The following SAE1 variants were observed in gnomAD, a reference collection of about 807,000 sequenced individuals.
SAE1 encodes the protein SUMO-activating enzyme subunit 1.
In SAE1, 11 loss-of-function variants were observed where a neutral mutation model predicts 40.6. The observed-to-expected ratio is 0.27, with a 90% CI of 0.17 to 0.45. SAE1 has a LOEUF of 0.45. Ranked by LOEUF, SAE1 falls within the 20% of genes least tolerant of loss-of-function variation. The probability of loss-of-function intolerance (pLI) is 1.00; values close to 1 mark genes in which losing one functional copy is unlikely to be tolerated. For synonymous variants in SAE1, 155 were observed against 154.3 expected (o/e 1.00, Z -0.03); for missense variants, 373 against 427.3 (o/e 0.87, Z 1.12).
intron 6 of SAE1, among the ~76,000 whole-genome samples, chr19:47,194,214 AGTGCCAGGCTG>A (rs1166029456): frequency 6.6e-6 from 1 of 152,186 alleles, no homozygotes; most frequent in Non-Finnish European, 1.5e-5. Context: ...GCACAAAGTA[AGTGCCAGGCTG>A]GTGGAGTGAA....
intron 3 of SAE1, among the ~76,000 whole-genome samples, chr19:47,150,613 T>C (rs965711576): frequency 2.0e-5 from 3 of 152,242 alleles, no homozygotes; most frequent in African/African-American, 7.2e-5. Context: ...GTCTGCTGGC[T>C]TCTTCTCTGG....
intron 5 of SAE1, among the ~76,000 whole-genome samples, chr19:47,163,000 A>AT (rs1219151049): frequency 2.0e-5 from 3 of 151,764 alleles, no homozygotes; most frequent in Non-Finnish European, 2.9e-5. Flanking sequence ...TCAAAAAAAA[A>AT]TTTTTTTTTA....
At chr19:47,190,418 A>G (rs954574261) in intron 6 of SAE1, among the ~76,000 whole-genome samples, 3 of 152,328 alleles carry the variant, frequency 2.0e-5, no homozygotes, top group Admixed American at 6.5e-5. Flanking sequence ...AGAACTTGTC[A>G]GGGGCTAGGG....
At position 47,150,182 on chromosome 19, in the gene SAE1, AAT is replaced by A; in HGVS notation, c.211-17_211-16del. Reference sequence around the variant, plus strand: ...TCCCTAAAAATACAAGACTTAAAAAAATATGTGTATTATTCCTAGGTAACTCC... The same window carrying A: ...TCCCTAAAAATACAAGACTTAAAAAAATGTGTATTATTCCTAGGTAACTCC... On this transcript the variant is annotated intron_variant, in intron 2 of 8. Coordinates refer to ENST00000270225, the MANE Select transcript of SAE1 (RefSeq NM_005500.3). 6.7e-7 allele frequency: 1 copy of A among 1,493,344 alleles called. No homozygotes were observed. Among genetic ancestry groups the A allele is most frequent in the Non-Finnish European group, 9.0e-7 (1 of 1,114,750 alleles). The allele number at this position is 1,493,344 out of a possible 1,614,324, so 92.5% of individuals were successfully genotyped here. A position where few individuals can be genotyped will look rare whatever the true frequency, so the allele number is the denominator to read the frequency against.
intron 7 of SAE1, among the ~76,000 whole-genome samples, chr19:47,202,539 A>G (rs949328392): frequency 1.3e-5 from 2 of 150,050 alleles, no homozygotes; most frequent in East Asian, 2.0e-4. Context: ...GCCCACCTCG[A>G]CCTCCCAAAG....
At chr19:47,199,363 C>CACT (rs1376360647) in intron 7 of SAE1, among the ~76,000 whole-genome samples, 1 of 124,468 alleles carries the variant, frequency 8.0e-6, no homozygotes, top group African/African-American at 3.1e-5. Flanking sequence ...CCAGCCTGGG[C>CACT]GACAGAGCGA....
At position 47,209,886 on chromosome 19, in the gene SAE1, G is replaced by C. The variant is rs181177348; in HGVS notation, c.*635G>C. ...TTCGTTTAGGATTAGTTGAGTTCCA[G>C]CTGGGTTTTGGGAGAAAGGAGATGC... On this transcript the variant is annotated 3_prime_UTR_variant, in exon 9 of 9. Transcript: ENST00000270225. The C allele has an allele frequency of 6.6e-6, 1 of 152,420 alleles. No individual in the cohort carries two copies. The highest frequency in any genetic ancestry group is 6.5e-5 in the Admixed American group (1 of 15,294). 9.4% of individuals were successfully genotyped at this position (152,420 alleles called of 1,614,324 possible).
intron 1 of SAE1, among the ~76,000 whole-genome samples, chr19:47,140,242 GA>G (rs1212296238): frequency 6.6e-6 from 1 of 151,872 alleles, no homozygotes; most frequent in African/African-American, 2.4e-5. Context: ...GAGTAGCTGG[GA>G]CTACAGGCGC....
At chr19:47,194,867 CA>C in intron 6 of SAE1, among the ~76,000 whole-genome samples, 1 of 151,806 alleles carries the variant, frequency 6.6e-6, no homozygotes, top group South Asian at 2.1e-4. Flanking sequence ...TTCAGCCTCC[CA>C]AGTACCTGGG....
intron 5 of SAE1, among the ~76,000 whole-genome samples, chr19:47,165,076 C>CTTT (rs769656956): frequency 0.028 from 1,637 of 59,088 alleles, 104 homozygotes; most frequent in African/African-American, 0.031. Context: ...TGAGCCAAGT[C>CTTT]TTTTTTTTTT....
chr19:47,185,120 C>T (rs1483645161), intron 6 of SAE1, among the ~76,000 whole-genome samples: 4 of 151,892 alleles, frequency 2.6e-5, no homozygotes, highest in Admixed American at 6.6e-5. Flanking sequence ...GTACCATGCC[C>T]GGCCATTATA....
At chr19:47,193,034 C>T in intron 6 of SAE1, among the ~76,000 whole-genome samples, 1 of 151,352 alleles carries the variant, frequency 6.6e-6, no homozygotes, top group Non-Finnish European at 1.5e-5. Flanking sequence ...CTCTGGCATC[C>T]AGATCGTCTA....
chr19:47,155,605 T>C (rs1035361742), intron 5 of SAE1, among the ~76,000 whole-genome samples: 6 of 151,158 alleles, frequency 4.0e-5, no homozygotes, highest in Non-Finnish European at 8.9e-5. Context: ...CCCTGGCTAA[T>C]TTTTTTTTGT....
At chr19:47,169,060 ATT>A (rs1336578390) in intron 5 of SAE1, among the ~76,000 whole-genome samples, 1 of 151,862 alleles carries the variant, frequency 6.6e-6, no homozygotes, top group Non-Finnish European at 1.5e-5. Flanking sequence ...CATCCCTTTT[ATT>A]GTTTCTCTTG....
chr19:47,183,664 T>C (rs2058525261), intron 6 of SAE1, among the ~76,000 whole-genome samples: 1 of 152,156 alleles, frequency 6.6e-6, no homozygotes, highest in Non-Finnish European at 1.5e-5. Context: ...GGCAGTAGCC[T>C]GTGTTTGAGC....
At chr19:47,136,504 T>C (rs1008142940) in intron 1 of SAE1, among the ~76,000 whole-genome samples, 2 of 151,328 alleles carry the variant, frequency 1.3e-5, no homozygotes, top group African/African-American at 4.9e-5. Context: ...CTTTTTTTTT[T>C]TTTTTTTTGA....
chr19:47,160,081 G>A (rs1387629938), intron 5 of SAE1, among the ~76,000 whole-genome samples: 1 of 152,088 alleles, frequency 6.6e-6, no homozygotes, highest in Non-Finnish European at 1.5e-5. Context: ...AATTCTCACG[G>A]TTTAGGTTAT....
intron 8 of SAE1, among the ~76,000 whole-genome samples, chr19:47,208,095 C>A (rs934215552): frequency 2.0e-5 from 3 of 152,324 alleles, no homozygotes; most frequent in Admixed American, 6.5e-5. Context: ...GCTTCTGCAT[C>A]AGTGTGTTCC....
In SAE1 at chr19:47,150,189, G is replaced by A; in HGVS notation, c.211-13G>A. The A allele has an allele frequency of 6.5e-7, 1 of 1,539,652 alleles. No homozygotes were observed. Among genetic ancestry groups the A allele is most frequent in the Non-Finnish European group, 8.7e-7 (1 of 1,142,974 alleles). ...AAATACAAGACTTAAAAAAATATGT[G>A]TATTATTCCTAGGTAACTCCAGAAG... is the stretch of plus-strand genomic sequence containing the variant. On this transcript the variant is annotated splice_polypyrimidine_tract_variant and intron_variant, in intron 2 of 8. Coordinates refer to ENST00000270225, the MANE Select transcript of SAE1 (RefSeq NM_005500.3).
Sources: allele counts gnomAD v4.1 joint callset (sites outside exome capture counted in the v4.1 genomes callset), GRCh38; gene constraint gnomAD v4.1.1; transcripts MANE v1.5; gene names NCBI Gene and HGNC (gene_info 2026-07-23, HGNC 2026-07-21).